Variants in CNTLN observed in about 807,000 individuals in gnomAD.
The protein encoded by CNTLN is centlein, centrosomal protein.
Under a neutral mutation model 180.0 loss-of-function variants are expected in CNTLN, and 212 were observed. The observed-to-expected ratio is 1.18, with a 90% CI of 1.05 to 1.32. The LOEUF (loss-of-function observed/expected upper bound fraction) is 1.32. CNTLN is among the 40% of genes most tolerant of loss of function. The pLI, the probability that CNTLN is intolerant of heterozygous loss-of-function variation, is 0.00. For missense variants in CNTLN, 2,095 were observed against 1,610.9 expected (o/e 1.30, Z -5.14); for synonymous variants, 722 against 563.1 (o/e 1.28, Z -3.99).
intron 6 of CNTLN, among the ~76,000 whole-genome samples, chr9:17,277,134 A>G (rs1297829437): frequency 1.3e-5 from 1 of 77,770 alleles, no homozygotes; most frequent in African/African-American, 5.3e-5. Context: ...TTTATTGAAT[A>G]TTTGATCCCT....
chr9:17,338,466 T>C (rs7038197), intron 10 of CNTLN, among the ~76,000 whole-genome samples: 88,799 of 149,872 alleles, frequency 0.59, 26,614 homozygotes, highest in East Asian at 0.73. Context: ...AACCACTGTG[T>C]CCAGCCTATT....
At chr9:17,157,767 C>G (rs568869112) in intron 2 of CNTLN, among the ~76,000 whole-genome samples, 310 of 152,216 alleles carry the variant, frequency 2.0e-3, no homozygotes, top group African/African-American at 7.0e-3. Flanking sequence ...TTACTTAGTA[C>G]TTATTTGTGA....
intron 18 of CNTLN, among the ~76,000 whole-genome samples, chr9:17,440,662 A>G (rs1039060348): frequency 1.3e-5 from 2 of 152,120 alleles, no homozygotes; most frequent in African/African-American, 4.8e-5. Context: ...AGCATTATTC[A>G]TAGTAGCCCA....
intron 6 of CNTLN, among the ~76,000 whole-genome samples, chr9:17,275,965 A>G (rs1199831297): frequency 6.6e-6 from 1 of 152,082 alleles, no homozygotes; most frequent in East Asian, 1.9e-4. Flanking sequence ...GGAGCAGTAG[A>G]CACTGTGGAC....
downstream of CNTLN, among the ~76,000 whole-genome samples, chr9:17,504,762 G>T (rs1474480291): frequency 6.6e-6 from 1 of 152,134 alleles, no homozygotes; most frequent in Non-Finnish European, 1.5e-5. Context: ...AAAGGATGTG[G>T]ATGGCCCTTG....
chr9:17,203,938 C>T (rs1413487509), intron 2 of CNTLN, among the ~76,000 whole-genome samples: 1 of 152,164 alleles, frequency 6.6e-6, no homozygotes, highest in Non-Finnish European at 1.5e-5. Context: ...GTCTTTCTTC[C>T]ACCTGATCGA....
At chr9:17,190,439 C>T (rs537326101) in intron 2 of CNTLN, among the ~76,000 whole-genome samples, 1 of 151,782 alleles carries the variant, frequency 6.6e-6, no homozygotes, top group South Asian at 2.1e-4. Flanking sequence ...TGTAATTGTA[C>T]CATGAAAGGA....
At chr9:17,362,192 G>T (rs1399563294) in intron 12 of CNTLN, among the ~76,000 whole-genome samples, 2 of 152,204 alleles carry the variant, frequency 1.3e-5, no homozygotes, top group Non-Finnish European at 2.9e-5. Flanking sequence ...CCTACCTTCT[G>T]TTGGGTTAGT....
rs1003125493 is a variant in CNTLN at position 17,274,489 on chromosome 9, C to G, written c.983+623C>G. 1.5e-3 allele frequency among the ~76,000 whole-genome samples: 225 copies of G among 146,210 alleles called. 1 individual carries two copies. Among genetic ancestry groups the G allele is most frequent in the African/African-American group, 4.7e-3 (184 of 39,420 alleles). Reference sequence around the variant, plus strand: ...TCTATCTATCTATCTATCTATCTATCTATCTATCTATCTATGTATCTTTCT... The same window carrying G: ...TCTATCTATCTATCTATCTATCTATGTATCTATCTATCTATGTATCTTTCT... On this transcript the variant is annotated intron_variant, in intron 6 of 25. Transcript: ENST00000380647.
In CNTLN at chr9:17,319,539, G is replaced by A. The variant is rs113022324; in HGVS notation, c.1341+10287G>A. Among the ~76,000 whole-genome samples, 334 of 152,192 alleles carry A rather than the reference G, an allele frequency of 2.2e-3. 1 individual carries two copies. Among genetic ancestry groups the A allele is most frequent in the African/African-American group, 7.7e-3 (318 of 41,546 alleles). On this transcript the variant is annotated intron_variant, in intron 8 of 25. Transcript: ENST00000380647. ...TTGGGGGTGTTATTTACAGAGTAAT[G>A]GATAAAAACATAGATTCTAGAGTCT... is the stretch of plus-strand genomic sequence containing the variant.
At chr9:17,259,611 C>G (rs1826793511) in intron 5 of CNTLN, among the ~76,000 whole-genome samples, 1 of 150,594 alleles carries the variant, frequency 6.6e-6, no homozygotes. Context: ...GTCCTGGACT[C>G]TTTTTTGTTG....
intron 6 of CNTLN, among the ~76,000 whole-genome samples, chr9:17,275,443 A>G (rs1176360510): frequency 6.6e-6 from 1 of 152,122 alleles, no homozygotes; most frequent in Non-Finnish European, 1.5e-5. Context: ...CCTATTTCTT[A>G]CATAAACTCT....
chr9:17,217,116 C>G (rs560350405), intron 2 of CNTLN, among the ~76,000 whole-genome samples: 2 of 152,260 alleles, frequency 1.3e-5, no homozygotes, highest in East Asian at 1.9e-4. Flanking sequence ...ATGCAGGAAG[C>G]TTAACCAAAT....
rs201214080 is a variant in CNTLN, at chr9:17,330,732, A to C, written c.1442A>C (p.Lys481Thr). ...GAGAAACTAAAGATAGCAAATGAAA[A>C]ACTGTCAGAAAACATATCTGCCAAC... ...LQEKLKIANE[K>T]LSENISANKG... The change falls in exon 9 of 26, where the codon AAA becomes ACA. Residue 481 changes from lysine to threonine, a missense_variant. Coordinates refer to ENST00000380647, the MANE Select transcript of CNTLN (RefSeq NM_017738.4). 315 of 1,612,288 alleles carry C rather than the reference A, an allele frequency of 2.0e-4. 1 individual carries two copies. Among genetic ancestry groups the C allele is most frequent in the Non-Finnish European group, 2.4e-4 (286 of 1,178,988 alleles).
chr9:17,510,221 A>G, the CNTLN span, among the ~76,000 whole-genome samples: 1 of 152,128 alleles, frequency 6.6e-6, no homozygotes, highest in Non-Finnish European at 1.5e-5. Flanking sequence ...TGGTGAGGGG[A>G]AAGGGAATAG....
At chr9:17,299,537 A>G (rs1818202497) in intron 7 of CNTLN, 2 of 985,216 alleles carry the variant, frequency 2.0e-6, no homozygotes, top group African/African-American at 3.5e-5. Flanking sequence ...TTTTTAAATG[A>G]TGCTTTGTAA....
At position 17,298,293 on chromosome 9, in the gene CNTLN, C is replaced by G. The variant is rs185810944; in HGVS notation, c.1087C>G (p.Gln363Glu). 1.4e-5 allele frequency: 22 copies of G among 1,613,358 alleles called. No homozygotes were observed. Among genetic ancestry groups the G allele is most frequent in the Middle Eastern group, 1.7e-4 (1 of 6,058 alleles). The change falls in exon 7 of 26, where the codon CAA becomes GAA. Residue 363 changes from glutamine (Q) to glutamate (E), a missense_variant. Gln to Glu is a conservative substitution (Grantham distance 29, BLOSUM62 2). Coordinates refer to ENST00000380647, the MANE Select transcript of CNTLN (RefSeq NM_017738.4). The part of the protein sequence containing the change: ...QQLQVLNMDT[Q>E]KVLRNQEDVH... ...GCTTCAGGTTCTCAATATGGACACA[C>G]AAAAAGTACTGAGAAATCAGGAAGA...
Position 17,394,971 on chromosome 9 carries a change from G to T in CNTLN, c.2517G>T (p.Val839=), listed in dbSNP as rs746503883. 4.3e-6 allele frequency: 7 copies of T among 1,613,728 alleles called. No individual in the cohort carries two copies. The highest frequency in any genetic ancestry group is 5.9e-6 in the Non-Finnish European group (7 of 1,179,712). ...KFKAAKKNCS[V]GRHHTVLNHS... ...AAGCTGCGAAGAAAAATTGCTCTGT[G>T]GGTCGTCACCACACTGTTCTCAATC... The change falls in exon 15 of 26, where the codon GTG becomes GTT. Residue 839 remains valine, a synonymous_variant. Transcript: ENST00000380647.
intron 5 of CNTLN, among the ~76,000 whole-genome samples, chr9:17,254,233 T>G (rs901997579): frequency 2.6e-5 from 4 of 151,768 alleles, no homozygotes; most frequent in Admixed American, 6.6e-5. Flanking sequence ...TGTTGCCTTT[T>G]TAATCTGTTC....
Sources: gnomAD v4.1 joint callset for allele counts (sites outside exome capture counted in the v4.1 genomes callset) on GRCh38, gnomAD v4.1.1 for gene constraint, MANE v1.5 for transcripts, NCBI Gene and HGNC (gene_info 2026-07-23, HGNC 2026-07-21) for gene names.